Variants in DGKI observed in about 807,000 individuals in gnomAD.
DGKI encodes diacylglycerol kinase iota.
In DGKI, 55 loss-of-function variants were observed where a neutral mutation model predicts 147.5. That is an observed-to-expected ratio of 0.37 (90% CI 0.30 to 0.47). The LOEUF (loss-of-function observed/expected upper bound fraction) is 0.47. DGKI is among the 20% of genes least tolerant of loss of function. The probability of loss-of-function intolerance (pLI) is 1.00; values close to 1 mark genes in which losing one functional copy is unlikely to be tolerated. For missense variants in DGKI, 1,007 were observed against 1,323.8 expected (o/e 0.76, Z 3.71); for synonymous variants, 469 against 477.1 (o/e 0.98, Z 0.22).
intron 23 of DGKI, among the ~76,000 whole-genome samples, chr7:137,472,458 A>G (rs1815018811): frequency 7.3e-6 from 1 of 137,442 alleles, no homozygotes; most frequent in African/African-American, 2.7e-5. Flanking sequence ...AAACGTATAT[A>G]TTATATGTTA....
chr7:137,597,179 A>G (rs1819826043), intron 12 of DGKI, among the ~76,000 whole-genome samples: 1 of 152,184 alleles, frequency 6.6e-6, no homozygotes, highest in South Asian at 2.1e-4. Flanking sequence ...TCAATGGCAG[A>G]GTAGGGTGAG....
intron 1 of DGKI, among the ~76,000 whole-genome samples, chr7:137,795,307 C>T (rs1052630033): frequency 2.0e-5 from 3 of 152,124 alleles, no homozygotes; most frequent in Non-Finnish European, 4.4e-5. Context: ...AACCAGTGGC[C>T]TAGTAGCTAT....
intron 12 of DGKI, among the ~76,000 whole-genome samples, chr7:137,595,738 T>C (rs912095027): frequency 2.0e-5 from 3 of 152,022 alleles, no homozygotes; most frequent in African/African-American, 7.2e-5. Context: ...GCAGGGTGGT[T>C]CACACCTGTA....
At chr7:137,557,879 T>G (rs1818279795) in intron 19 of DGKI, among the ~76,000 whole-genome samples, 1 of 152,180 alleles carries the variant, frequency 6.6e-6, no homozygotes, top group South Asian at 2.1e-4. Flanking sequence ...CAGCTCTGTT[T>G]TATAGCCTGA....
At chr7:137,760,547 G>T (rs1247970301) in intron 1 of DGKI, among the ~76,000 whole-genome samples, 1 of 152,080 alleles carries the variant, frequency 6.6e-6, no homozygotes, top group Non-Finnish European at 1.5e-5. Context: ...TATCGGGAGG[G>T]TTTCTTTTCT....
intron 1 of DGKI, among the ~76,000 whole-genome samples, chr7:137,812,332 T>C (rs1201743609): frequency 1.3e-5 from 2 of 152,234 alleles, no homozygotes; most frequent in African/African-American, 2.4e-5. Context: ...TGGTACATGG[T>C]AATTGCTCAA....
chr7:137,651,076 G>C (rs551095569), intron 5 of DGKI, among the ~76,000 whole-genome samples: 8 of 152,344 alleles, frequency 5.3e-5, no homozygotes, highest in East Asian at 3.9e-4. Flanking sequence ...GAAACCACTG[G>C]AGAGTTTTAA....
chr7:137,815,277 G>A (rs561391652), intron 1 of DGKI, among the ~76,000 whole-genome samples: 3 of 152,266 alleles, frequency 2.0e-5, no homozygotes, highest in South Asian at 4.1e-4. Context: ...TCTTCCATAT[G>A]TGAAGCCAAC....
intron 19 of DGKI, among the ~76,000 whole-genome samples, chr7:137,567,629 A>G (rs2128974068): frequency 6.6e-6 from 1 of 152,330 alleles, no homozygotes; most frequent in Non-Finnish European, 1.5e-5. Flanking sequence ...GGTCATATCA[A>G]CCAACCACAA....
chr7:137,546,436 C>T (rs190679190), intron 20 of DGKI, among the ~76,000 whole-genome samples: 8 of 152,328 alleles, frequency 5.3e-5, no homozygotes, highest in Admixed American at 4.6e-4. Flanking sequence ...TATAGGAACA[C>T]TCACCAAAAG....
chr7:137,565,261 G>C (rs1413280626), intron 19 of DGKI, among the ~76,000 whole-genome samples: 1 of 151,176 alleles, frequency 6.6e-6, no homozygotes, highest in East Asian at 1.9e-4. Flanking sequence ...GCCATTTGTA[G>C]TATGGGTTTT....
chr7:137,556,796 T>A (rs1459683111), intron 19 of DGKI, among the ~76,000 whole-genome samples: 7 of 152,236 alleles, frequency 4.6e-5, no homozygotes, highest in Non-Finnish European at 1.0e-4. Context: ...AGAAATACTA[T>A]TTTAAGGAAT....
chr7:137,504,216 T>C (rs1816287257), intron 21 of DGKI, among the ~76,000 whole-genome samples: 1 of 152,188 alleles, frequency 6.6e-6, no homozygotes, highest in Admixed American at 6.5e-5. Context: ...AAGATGTCAT[T>C]GTGGAAATAA....
rs1273271812 is a variant in DGKI at position 137,846,542 on chromosome 7, C to G, written c.321G>C (p.Ala107=). The G allele has an allele frequency of 2.3e-5, 35 of 1,547,620 alleles. No individual in the cohort carries two copies. In the Middle Eastern group the frequency reaches 5.2e-4, roughly 23 times the overall value. Residue 107 remains alanine (A), a synonymous_variant, in exon 1 of 33, where the codon GCG becomes GCC. Transcript: ENST00000614521. The surrounding 1 kb of genome is among the most constrained non-coding windows in gnomAD (Gnocchi z 4.0). ...CGTCCTTCTCCTTCTGGCCGGCGGC[C>G]GCGGGCTCGTCCAGGGCAGCGGCCC... ...AAGAAALDEP[A]AAGQKEKDEA...
chr7:137,836,820 T>TA (rs1798397056), intron 1 of DGKI, among the ~76,000 whole-genome samples: 1 of 152,146 alleles, frequency 6.6e-6, no homozygotes, highest in South Asian at 2.1e-4. Flanking sequence ...TGCTTAGACA[T>TA]AAAAAGAATG....
intron 23 of DGKI, among the ~76,000 whole-genome samples, chr7:137,483,417 C>T (rs1193757352): frequency 6.6e-6 from 1 of 151,988 alleles, no homozygotes; most frequent in Non-Finnish European, 1.5e-5. Flanking sequence ...CAGCTCTTAC[C>T]TTTAAAAGGA....
At chr7:137,418,897 T>A (rs1419277079) in intron 28 of DGKI, among the ~76,000 whole-genome samples, 1 of 152,128 alleles carries the variant, frequency 6.6e-6, no homozygotes, top group Non-Finnish European at 1.5e-5. Context: ...AAAGCAAGAG[T>A]CACAACCCTA....
chr7:137,598,605 A>G (rs1049273991), intron 11 of DGKI, among the ~76,000 whole-genome samples: 1 of 152,174 alleles, frequency 6.6e-6, no homozygotes, highest in African/African-American at 2.4e-5. Flanking sequence ...ATGCATTGAC[A>G]CTGCCCCTGC....
chr7:137,532,156 CATA>C (rs1156858513), intron 20 of DGKI, among the ~76,000 whole-genome samples: 1 of 152,028 alleles, frequency 6.6e-6, no homozygotes, highest in Admixed American at 6.6e-5. Context: ...GGGGAAATCA[CATA>C]ACCCAATTAT....
Sources: allele counts gnomAD v4.1 joint callset (sites outside exome capture counted in the v4.1 genomes callset), GRCh38; gene constraint gnomAD v4.1.1; non-coding constraint Gnocchi (gnomAD v3.1); transcripts MANE v1.5; gene names NCBI Gene and HGNC (gene_info 2026-07-23, HGNC 2026-07-21).